The following S100PBP variants were observed in gnomAD, a reference collection of about 807,000 sequenced individuals.
S100PBP encodes the protein S100P binding protein.
In S100PBP, 15 loss-of-function variants were observed where a neutral mutation model predicts 39.9. The observed-to-expected ratio is 0.38, with a 90% CI of 0.25 to 0.58. The LOEUF is 0.58. Ranked by LOEUF, S100PBP falls within the 20% of genes least tolerant of loss-of-function variation. S100PBP has a pLI of 0.70. For missense variants in S100PBP, 504 were observed against 487.3 expected (o/e 1.03, Z -0.32); for synonymous variants, 178 against 180.3 (o/e 0.99, Z 0.10).
intron 1 of S100PBP, among the ~76,000 whole-genome samples, chr1:32,820,144 C>CA (rs1553127792): frequency 9.5e-6 from 1 of 104,828 alleles, no homozygotes; most frequent in Admixed American, 1.3e-4. Flanking sequence ...CGTTCCTATG[C>CA]TTTTTTTTTT....
intron 5 of S100PBP, among the ~76,000 whole-genome samples, chr1:32,844,864 T>G (rs1640290938): frequency 6.6e-6 from 1 of 151,780 alleles, no homozygotes; most frequent in Non-Finnish European, 1.5e-5. Flanking sequence ...ACTCTCGCTC[T>G]GTTGCCCAGG....
intron 5 of S100PBP, among the ~76,000 whole-genome samples, chr1:32,849,125 T>C (rs1408786940): frequency 6.6e-6 from 1 of 152,114 alleles, no homozygotes; most frequent in East Asian, 1.9e-4. Context: ...AGATGATAGA[T>C]GAGTATCTTT....
At chr1:32,828,141 C>T (rs1258291416) in intron 4 of S100PBP, 60 bp downstream of exon 4, 8 of 1,248,584 alleles carry the variant, frequency 6.4e-6, no homozygotes, top group Non-Finnish European at 9.2e-6. Flanking sequence ...TTTCTTTCTT[C>T]CCCTCTCCAG....
intron 1 of S100PBP, among the ~76,000 whole-genome samples, chr1:32,822,026 ATGGACCTTACT>A (rs1238692300): frequency 6.6e-6 from 1 of 152,188 alleles, no homozygotes; most frequent in African/African-American, 2.4e-5. Flanking sequence ...GTCACATTGT[ATGGACCTTACT>A]TGGATACTGA....
rs148696010 is a variant in S100PBP at position 32,858,245 on chromosome 1, T to C, written c.*2207T>C. 6.5e-6 allele frequency: 1 copy of C among 152,742 alleles called. No homozygotes were observed. Among genetic ancestry groups the C allele is most frequent in the East Asian group, 1.9e-4 (1 of 5,184 alleles). 9.5% of individuals were successfully genotyped at this position (152,742 alleles called of 1,614,324 possible). A position where few individuals can be genotyped will look rare whatever the true frequency, so the allele number is the denominator to read the frequency against. On this transcript the variant is annotated 3_prime_UTR_variant, in exon 7 of 7. Coordinates refer to ENST00000373475, the MANE Select transcript of S100PBP (RefSeq NM_022753.4). ...TGGTACATGGGGTTTTAAGACTGAA[T>C]GTGTAATAGGAGCACTGCCTTTGCC...
chr1:32,853,034 T>C (rs768294078), intron 5 of S100PBP, 45 bp from the exon 6 acceptor site: 2 of 1,356,418 alleles, frequency 1.5e-6, no homozygotes, highest in Non-Finnish European at 2.1e-6. Context: ...TTGGCTGACG[T>C]AGTTCACTCA....
intron 5 of S100PBP, chr1:32,835,182 C>T (rs1474590402): frequency 6.6e-6 from 1 of 152,136 alleles, no homozygotes; most frequent in Non-Finnish European, 1.5e-5. Flanking sequence ...ATTTCTTCTA[C>T]AGTTATTAAC....
chr1:32,817,643 G>A (rs1030228981), upstream of S100PBP: 3 of 284,704 alleles, frequency 1.1e-5, no homozygotes, highest in Non-Finnish European at 1.4e-5. Flanking sequence ...CGCAGGGGGC[G>A]GAGTGAGGCG....
chr1:32,846,638 C>G (rs1046215344), intron 5 of S100PBP, among the ~76,000 whole-genome samples: 7 of 151,890 alleles, frequency 4.6e-5, no homozygotes, highest in Non-Finnish European at 1.5e-5. Flanking sequence ...TGGGATCTCA[C>G]TCTGTTGCCT....
chr1:32,819,438 G>A lies in S100PBP; in HGVS notation c.-120+1749G>A, dbSNP rs370050771. Among the ~76,000 whole-genome samples the A allele has an allele frequency of 6.6e-5, 10 of 152,260 alleles. No individual in the cohort carries two copies. In the East Asian group the frequency reaches 1.5e-3, roughly 24 times the overall value. ...CAAAAATTAGCCTAGCATGGTGGAC[G>A]CCTGTAATCCCAGCTACTGGGAGGC... On this transcript the variant is annotated intron_variant, in intron 1 of 6. Coordinates refer to ENST00000373475, the MANE Select transcript of S100PBP (RefSeq NM_022753.4).
intron 4 of S100PBP, 52 bp downstream of exon 4, chr1:32,828,133 T>G (rs1639423888): frequency 1.5e-6 from 2 of 1,315,288 alleles, no homozygotes; most frequent in African/African-American, 1.5e-5. Context: ...CTCTTCAATT[T>G]CTTTCTTCCC....
At chr1:32,855,174 C>G (rs982577907) in intron 6 of S100PBP, among the ~76,000 whole-genome samples, 2 of 152,116 alleles carry the variant, frequency 1.3e-5, no homozygotes, top group Non-Finnish European at 2.9e-5. Context: ...TGTTTGTATC[C>G]TGATTCCAGG....
intron 1 of S100PBP, among the ~76,000 whole-genome samples, chr1:32,824,690 G>C (rs1031305281): frequency 6.6e-6 from 1 of 151,552 alleles, no homozygotes; most frequent in Non-Finnish European, 1.5e-5. Context: ...AGCCCCATGA[G>C]TAGCTGGAAC....
chr1:32,848,877 A>G (rs964362328), intron 5 of S100PBP, among the ~76,000 whole-genome samples: 1 of 152,314 alleles, frequency 6.6e-6, no homozygotes, highest in Admixed American at 6.5e-5. Flanking sequence ...TTAGTCACAA[A>G]ACAAAGGACA....
rs200135910 is a variant in S100PBP at position 32,826,803 on chromosome 1, C to T, written c.704C>T (p.Thr235Met). ...AATATGCCTGACAGTGAGAACCCTA[C>T]GTCTGTATTCTCTCGGATCTCAGAC... ...DKNMPDSENP[T>M]SVFSRISDHS... is the part of the protein sequence containing the mutation. The change falls in exon 3 of 7, where the codon ACG (threonine) becomes ATG (methionine). Residue 235 changes from threonine (T) to methionine (M), a missense_variant. Coordinates refer to ENST00000373475, the MANE Select transcript of S100PBP (RefSeq NM_022753.4). 40 of 1,613,786 alleles carry T rather than the reference C, an allele frequency of 2.5e-5. No individual in the cohort carries two copies. The highest frequency in any genetic ancestry group is 2.2e-4 in the Admixed American group (13 of 59,998).
intron 5 of S100PBP, among the ~76,000 whole-genome samples, chr1:32,848,385 C>T (rs994950668): frequency 6.6e-6 from 1 of 152,160 alleles, no homozygotes; most frequent in Non-Finnish European, 1.5e-5. Context: ...CTTCTGTGAC[C>T]AGTACTTTTG....
chr1:32,855,845 TGTG>T, intron 6 of S100PBP, 76 bp from the exon 7 acceptor site: 1 of 739,396 alleles, frequency 1.4e-6, no homozygotes, highest in Non-Finnish European at 2.2e-6. Context: ...TTAAAATTGT[TGTG>T]CTGGCCTTTT....
rs1265195434 is a variant in S100PBP at position 32,856,604 on chromosome 1, C to G, written c.*566C>G. 1.3e-5 allele frequency: 2 copies of G among 152,534 alleles called. No individual in the cohort carries two copies. Among genetic ancestry groups the G allele is most frequent in the Admixed American group, 6.5e-5 (1 of 15,272 alleles). 9.4% of individuals were successfully genotyped at this position (152,534 alleles called of 1,614,324 possible). On this transcript the variant is annotated 3_prime_UTR_variant, in exon 7 of 7. Transcript: ENST00000373475. Reference sequence around the variant, plus strand: ...AGTAGGATGGAGCAGGAGAAGAATCCTATTGAAAGGACAAATTAAAATAGT... The same window carrying G: ...AGTAGGATGGAGCAGGAGAAGAATCGTATTGAAAGGACAAATTAAAATAGT...
chr1:32,831,155 T>C (rs886158714), intron 5 of S100PBP, among the ~76,000 whole-genome samples: 2 of 151,972 alleles, frequency 1.3e-5, no homozygotes, highest in Non-Finnish European at 2.9e-5. Flanking sequence ...TCAGTCGTGG[T>C]AGTTTTGAAG....
Sources: allele counts gnomAD v4.1 joint callset (sites outside exome capture counted in the v4.1 genomes callset), GRCh38; gene constraint gnomAD v4.1.1; transcripts MANE v1.5; gene names NCBI Gene and HGNC (gene_info 2026-07-23, HGNC 2026-07-21).